Variants in MAP2K2 observed in about 807,000 individuals in gnomAD.
MAP2K2 encodes the protein dual specificity mitogen-activated protein kinase kinase 2.
MAP2K2 carries 24 observed loss-of-function variants against 43.7 expected under a neutral mutation model. The observed-to-expected ratio is 0.55, with a 90% CI of 0.40 to 0.77. The LOEUF is 0.77. MAP2K2 is among the 30% of genes least tolerant of loss of function. The pLI, the probability that MAP2K2 is intolerant of heterozygous loss-of-function variation, is 0.00. For missense variants in MAP2K2, 470 were observed against 566.8 expected (o/e 0.83, Z 1.73); for synonymous variants, 244 against 239.7 (o/e 1.02, Z -0.17).
chr19:4,097,401 G>A (rs2040935513), intron 7 of MAP2K2, 58 bp from the exon 8 acceptor site: 19 of 1,384,340 alleles, frequency 1.4e-5, no homozygotes, highest in Admixed American at 3.4e-5. Context: ...CTTCTGCTGG[G>A]GGTTGGGCTC....
chr19:4,117,167 G>C (rs900494378), intron 2 of MAP2K2, among the ~76,000 whole-genome samples: 6 of 152,192 alleles, frequency 3.9e-5, no homozygotes, highest in African/African-American at 1.4e-4. Context: ...TGGGAATATG[G>C]ATTTCAAGTG....
At chr19:4,120,191 T>G (rs544386427) in intron 1 of MAP2K2, among the ~76,000 whole-genome samples, 2 of 152,160 alleles carry the variant, frequency 1.3e-5, no homozygotes, top group African/African-American at 4.8e-5. Context: ...AGGGCCCTAG[T>G]AGGTGCTCAC....
At chr19:4,094,243 C>A (rs929356112) in intron 10 of MAP2K2, among the ~76,000 whole-genome samples, 1 of 152,196 alleles carries the variant, frequency 6.6e-6, no homozygotes, top group Non-Finnish European at 1.5e-5. Context: ...CACACACCCT[C>A]TGCTCCCCGC....
At position 4,118,001 on chromosome 19, in the gene MAP2K2, G is replaced by A. The variant is rs190659121; in HGVS notation, c.93-372C>T. 2.4e-4 allele frequency among the ~76,000 whole-genome samples: 37 copies of A among 152,034 alleles called. 1 individual carries two copies. Among genetic ancestry groups the A allele is most frequent in the Admixed American group, 1.3e-3 (20 of 15,268 alleles). On this transcript the variant is annotated intron_variant, in intron 1 of 10. Transcript: ENST00000262948. ...TGCTCAGGCTGGAATGCAGTGGCGC[G>A]ATCTCGGCTCCCTGCAACCTTGGCC... is the stretch of plus-strand genomic sequence containing the variant.
Position 4,117,531 on chromosome 19 carries a change from A to G in MAP2K2, c.191T>C (p.Val64Ala), listed in dbSNP as rs1135401787. ...GAAGTCATCGTCTTTGAGTTCGCCG[A>G]CCTTGGCTTTCTGGGTGAGAAAGGC... ...LEAFLTQKAK[V>A]GELKDDDFER... The change falls in exon 2 of 11, where the codon GTC becomes GCC. Residue 64 changes from valine (V) to alanine (A), a missense_variant. Physicochemically the swap from Val to Ala is moderately conservative, Grantham distance 64. Around this residue, in one of 3 missense-constraint regions of MAP2K2, gnomAD observed 200 missense variants for 297.9 expected, o/e 0.67. Transcript: ENST00000262948. 6.8e-6 allele frequency: 11 copies of G among 1,614,030 alleles called. No individual in the cohort carries two copies. The highest frequency in any genetic ancestry group is 9.3e-6 in the Non-Finnish European group (11 of 1,180,018).
chr19:4,097,234 A>G, intron 8 of MAP2K2, 45 bp downstream of exon 8: 1 of 1,253,186 alleles, frequency 8.0e-7, no homozygotes, highest in Non-Finnish European at 1.1e-6. Flanking sequence ...AAAAAGAAAG[A>G]AGAAAGAAAA....
intron 4 of MAP2K2, among the ~76,000 whole-genome samples, chr19:4,102,128 A>C (rs1367177866): frequency 6.6e-6 from 1 of 152,160 alleles, no homozygotes. Flanking sequence ...CCAGTGTGGC[A>C]AACAGAGGAT....
chr19:4,116,665 GCTGT>G (rs1476177713), intron 2 of MAP2K2, among the ~76,000 whole-genome samples: 9 of 152,074 alleles, frequency 5.9e-5, no homozygotes, highest in South Asian at 2.1e-4. Flanking sequence ...GTGCTGAGCT[GCTGT>G]CTGTTTATTT....
rs2145053617 is a variant in MAP2K2, at chr19:4,101,012, G to A, written c.705+7C>T. On this transcript the variant is annotated splice_region_variant and intron_variant, in intron 6 of 10. Transcript: ENST00000262948. This position sits in a 1 kb window ranked among gnomAD's most constrained non-coding sequence, Gnocchi z 6.3. Reference sequence around the variant, plus strand: ...AGAGCTGGAGGGGAGAGCCAGCGGGGACTCACAGCCATGTAGGAGCGCGTG... The same window carrying A: ...AGAGCTGGAGGGGAGAGCCAGCGGGAACTCACAGCCATGTAGGAGCGCGTG... The A allele has an allele frequency of 6.4e-7, 1 of 1,555,026 alleles. No homozygotes were observed. The highest frequency in any genetic ancestry group is 8.7e-7 in the Non-Finnish European group (1 of 1,150,056).
chr19:4,111,678 TGG>T (rs2041154830), intron 2 of MAP2K2, among the ~76,000 whole-genome samples: 1 of 152,172 alleles, frequency 6.6e-6, no homozygotes, highest in Non-Finnish European at 1.5e-5. Flanking sequence ...AAAGGAGGCC[TGG>T]TGTGTGGCTC....
At chr19:4,110,694 C>A (rs2145070603) in intron 2 of MAP2K2, 39 bp from the exon 3 acceptor site, 2 of 1,597,230 alleles carry the variant, frequency 1.3e-6, no homozygotes, top group Non-Finnish European at 1.7e-6. Flanking sequence ...TGGGGGGTGC[C>A]CGAAAACGGG....
chr19:4,100,901 C>A, intron 6 of MAP2K2, 118 bp downstream of exon 6: 1 of 1,190,576 alleles, frequency 8.4e-7, no homozygotes, highest in Admixed American at 2.1e-5. Context: ...GGGACAGCTG[C>A]GCAGGAGACA....
intron 3 of MAP2K2, 71 bp downstream of exon 3, chr19:4,110,438 G>T (rs1266148798): frequency 9.5e-6 from 15 of 1,585,716 alleles, no homozygotes; most frequent in Non-Finnish European, 1.3e-5. Context: ...GCCGTGAGGG[G>T]GTCTTCCTTC....
chr19:4,104,002 G>A (rs1032617144), intron 3 of MAP2K2, among the ~76,000 whole-genome samples: 1 of 152,172 alleles, frequency 6.6e-6, no homozygotes, highest in Non-Finnish European at 1.5e-5. Flanking sequence ...GGTGACTCAC[G>A]CCTGTAATGC....
chr19:4,120,172 AG>A (rs1439974822), intron 1 of MAP2K2, among the ~76,000 whole-genome samples: 1 of 152,184 alleles, frequency 6.6e-6, no homozygotes, highest in Non-Finnish European at 1.5e-5. Flanking sequence ...GTCCCCCATG[AG>A]GGGAAACAGG....
At chr19:4,093,540 A>C (rs1409864110) in intron 10 of MAP2K2, among the ~76,000 whole-genome samples, 1 of 151,660 alleles carries the variant, frequency 6.6e-6, no homozygotes. Context: ...AAAATACAAA[A>C]ATTAGCCGGG....
chr19:4,102,477 T>C (rs752614956), intron 3 of MAP2K2, 24 bp from the exon 4 acceptor site: 25 of 1,549,942 alleles, frequency 1.6e-5, no homozygotes, highest in South Asian at 5.8e-5. Flanking sequence ...AAGGAGTGAG[T>C]GCAGGCTCTG....
intron 10 of MAP2K2, 126 bp downstream of exon 10, chr19:4,094,327 G>A (rs527895620): frequency 1.5e-5 from 16 of 1,033,218 alleles, no homozygotes; most frequent in Non-Finnish European, 1.8e-5. Context: ...TGGCACACCC[G>A]GCCTGCCCAC....
At chr19:4,111,839 G>C (rs2041157040) in intron 2 of MAP2K2, among the ~76,000 whole-genome samples, 1 of 152,154 alleles carries the variant, frequency 6.6e-6, no homozygotes, top group South Asian at 2.1e-4. Context: ...TGTAATCCCA[G>C]CTACTCGGGA....
Sources: allele counts gnomAD v4.1 joint callset (sites outside exome capture counted in the v4.1 genomes callset), GRCh38; gene constraint gnomAD v4.1.1; regional missense constraint gnomAD v4.1.1; non-coding constraint Gnocchi (gnomAD v3.1); transcripts MANE v1.5; gene names NCBI Gene and HGNC (gene_info 2026-07-23, HGNC 2026-07-21).